KDM4C: variants seen among roughly 807,000 people sequenced by gnomAD.
The protein encoded by KDM4C is lysine demethylase 4C.
A neutral mutation model predicts 129.3 loss-of-function variants in KDM4C; 81 were observed. The observed-to-expected ratio is 0.63, with a 90% CI of 0.52 to 0.75. The LOEUF (loss-of-function observed/expected upper bound fraction) is 0.75. KDM4C is among the 30% of genes least tolerant of loss of function. The pLI is 0.00. For synonymous variants in KDM4C, 573 were observed against 456.1 expected (o/e 1.26, Z -3.26); for missense variants, 1,457 against 1,304.0 (o/e 1.12, Z -1.81).
At chr9:6,806,598 G>C (rs553389105) in intron 3 of KDM4C, among the ~76,000 whole-genome samples, 8 of 152,182 alleles carry the variant, frequency 5.3e-5, no homozygotes, top group African/African-American at 1.9e-4. Flanking sequence ...CTGACCTTCA[G>C]ATTCTGCCTC....
At chr9:6,747,975 C>T (rs181306931) in intron 1 of KDM4C, among the ~76,000 whole-genome samples, 17 of 151,918 alleles carry the variant, frequency 1.1e-4, no homozygotes, top group Non-Finnish European at 2.1e-4. Flanking sequence ...CCCAGGAGTT[C>T]GAGAGCAGCC....
intron 1 of KDM4C, among the ~76,000 whole-genome samples, chr9:6,787,446 TG>T: frequency 6.6e-6 from 1 of 152,362 alleles, no homozygotes; most frequent in South Asian, 2.1e-4. Flanking sequence ...TTGGCCAGGC[TG>T]GTCTCAAATT....
intron 1 of KDM4C, among the ~76,000 whole-genome samples, chr9:6,729,530 GA>G (rs1817254249): frequency 7.5e-6 from 1 of 133,586 alleles, no homozygotes; most frequent in Non-Finnish European, 1.5e-5. Flanking sequence ...TTGGATGACA[GA>G]GACCCTGTCT....
intron 8 of KDM4C, among the ~76,000 whole-genome samples, chr9:6,896,505 G>C (rs146528020): frequency 6.6e-6 from 1 of 151,080 alleles, no homozygotes; most frequent in African/African-American, 2.4e-5. Context: ...ATAATTTTGT[G>C]TAATACAAAC....
chr9:7,069,429 T>C (rs917211662), intron 17 of KDM4C, among the ~76,000 whole-genome samples: 1 of 152,224 alleles, frequency 6.6e-6, no homozygotes, highest in Non-Finnish European at 1.5e-5. Flanking sequence ...GGAGGATTGC[T>C]TGAGCCTAGG....
intron 3 of KDM4C, among the ~76,000 whole-genome samples, chr9:6,806,186 T>G (rs957832877): frequency 1.3e-5 from 2 of 152,212 alleles, no homozygotes; most frequent in Non-Finnish European, 2.9e-5. Flanking sequence ...TAGTTATTTA[T>G]TGCTGTGTAA....
chr9:6,793,433 T>C (rs1000496382), intron 2 of KDM4C, among the ~76,000 whole-genome samples: 2 of 152,032 alleles, frequency 1.3e-5, no homozygotes, highest in African/African-American at 4.8e-5. Context: ...AGAGTATTCA[T>C]AGTTTTTGTC....
intron 1 of KDM4C, among the ~76,000 whole-genome samples, chr9:6,775,614 G>A (rs1759401): frequency 2.0e-5 from 3 of 151,770 alleles, no homozygotes; most frequent in African/African-American, 7.3e-5. Flanking sequence ...CCTCCACCAC[G>A]CAGGTTCAAG....
intron 6 of KDM4C, among the ~76,000 whole-genome samples, chr9:6,880,652 G>T (rs1190213385): frequency 6.6e-6 from 1 of 152,134 alleles, no homozygotes; most frequent in East Asian, 1.9e-4. Flanking sequence ...TTTACTGCAG[G>T]TTGCATTTTT....
At chr9:7,167,217 A>G (rs1378424011) in intron 20 of KDM4C, among the ~76,000 whole-genome samples, 2 of 152,144 alleles carry the variant, frequency 1.3e-5, no homozygotes, top group African/African-American at 4.8e-5. Context: ...GAGAGGGCCA[A>G]AATTCTCTCT....
At chr9:7,165,471 A>C (rs1232399994) in intron 20 of KDM4C, 114 bp downstream of exon 20, 1 of 1,203,060 alleles carries the variant, frequency 8.3e-7, no homozygotes, top group Non-Finnish European at 1.2e-6. Flanking sequence ...GACACCTCTT[A>C]TTTTATGCAG....
intron 8 of KDM4C, among the ~76,000 whole-genome samples, chr9:6,910,959 A>G (rs1819188101): frequency 6.6e-6 from 1 of 152,232 alleles, no homozygotes; most frequent in East Asian, 1.9e-4. Context: ...AAGAAAGGTT[A>G]TAGAATAGGA....
chr9:6,911,542 T>G (rs1050297428), intron 8 of KDM4C, among the ~76,000 whole-genome samples: 2 of 152,232 alleles, frequency 1.3e-5, no homozygotes, highest in African/African-American at 4.8e-5. Context: ...TAGTTGAAAT[T>G]CATGCCTGTC....
At chr9:6,882,539 C>T (rs879536672) in intron 6 of KDM4C, among the ~76,000 whole-genome samples, 5 of 152,090 alleles carry the variant, frequency 3.3e-5, no homozygotes, top group Admixed American at 6.6e-5. Context: ...TTTGGTTACT[C>T]GTCCAAAATA....
intron 1 of KDM4C, among the ~76,000 whole-genome samples, chr9:6,765,510 A>G (rs1231189694): frequency 6.6e-6 from 1 of 152,150 alleles, no homozygotes; most frequent in African/African-American, 2.4e-5. Flanking sequence ...GATTGTTTCT[A>G]CACTGTAAAG....
intron 19 of KDM4C, among the ~76,000 whole-genome samples, chr9:7,149,829 T>C (rs1734940312): frequency 6.6e-6 from 1 of 152,290 alleles, no homozygotes; most frequent in South Asian, 2.1e-4. Context: ...CCCTACATCT[T>C]CCATACCTTT....
intron 4 of KDM4C, among the ~76,000 whole-genome samples, chr9:6,837,620 T>A (rs1836123286): frequency 6.6e-6 from 1 of 152,236 alleles, no homozygotes; most frequent in African/African-American, 2.4e-5. Context: ...TCTTTTCATG[T>A]CTTTATCGGC....
At chr9:7,114,415 T>C (rs1241639556) in intron 18 of KDM4C, among the ~76,000 whole-genome samples, 1 of 152,154 alleles carries the variant, frequency 6.6e-6, no homozygotes, top group Admixed American at 6.5e-5. Flanking sequence ...TAAACTTAAT[T>C]AGAATGAAGG....
At chr9:6,779,788 G>T (rs955995885) in intron 1 of KDM4C, among the ~76,000 whole-genome samples, 1 of 152,122 alleles carries the variant, frequency 6.6e-6, no homozygotes, top group Non-Finnish European at 1.5e-5. Context: ...TGATGACAAT[G>T]GCAAGTGGGA....
Sources: allele counts gnomAD v4.1 joint callset (sites outside exome capture counted in the v4.1 genomes callset), GRCh38; gene constraint gnomAD v4.1.1; transcripts MANE v1.5; gene names NCBI Gene and HGNC (gene_info 2026-07-23, HGNC 2026-07-21).